Variants in GSK3B observed in about 807,000 individuals in gnomAD.
GSK3B encodes the protein glycogen synthase kinase-3 beta.
In GSK3B, 15 loss-of-function variants were observed where a neutral mutation model predicts 56.4. The ratio of observed to expected loss-of-function variants is 0.27; its 90% CI spans 0.18 to 0.41. The LOEUF (loss-of-function observed/expected upper bound fraction) is 0.41, where lower values mean the gene tolerates loss of function less well. Ranked by LOEUF, GSK3B falls within the 10% of genes least tolerant of loss-of-function variation. The pLI, the probability that GSK3B is intolerant of heterozygous loss-of-function variation, is 1.00. For missense variants in GSK3B, 300 were observed against 513.4 expected (o/e 0.58, Z 4.02); for synonymous variants, 181 against 188.9 (o/e 0.96, Z 0.34).
intron 1 of GSK3B, among the ~76,000 whole-genome samples, chr3:120,025,295 G>C (rs1044401117): frequency 4.6e-5 from 7 of 152,150 alleles, no homozygotes; most frequent in African/African-American, 1.4e-4. Context: ...AATGAGCCTG[G>C]GTGACAGATA....
intron 2 of GSK3B, among the ~76,000 whole-genome samples, chr3:119,952,487 CAAAA>C (rs59526500): frequency 1.0e-5 from 1 of 96,242 alleles, no homozygotes; most frequent in Non-Finnish European, 2.1e-5. Flanking sequence ...GACTCTGTCT[CAAAA>C]AAAAAAAAAA....
At chr3:119,947,967 AG>A (rs2107492586) in intron 2 of GSK3B, among the ~76,000 whole-genome samples, 1 of 152,270 alleles carries the variant, frequency 6.6e-6, no homozygotes, top group African/African-American at 2.4e-5. Flanking sequence ...GAAGTTTCAA[AG>A]TTATGTTCAT....
At chr3:119,835,407 C>T (rs567340296) in intron 10 of GSK3B, among the ~76,000 whole-genome samples, 15 of 152,116 alleles carry the variant, frequency 9.9e-5, no homozygotes, top group Admixed American at 2.0e-4. Context: ...ACAAAAAACC[C>T]CATCTTCGAC....
Position 120,072,022 on chromosome 3 carries a change from G to T in GSK3B, c.88+21325C>A, listed in dbSNP as rs547148105. On this transcript the variant is annotated intron_variant, in intron 1 of 10. Coordinates refer to ENST00000264235, the MANE Select transcript of GSK3B (RefSeq NM_001146156.2). ...AGGGAGAGAAAAGTTCACATATCAGGTTTACTTACTGAATATTAAGTCAAT... is the reference window on the plus strand; with the variant it reads ...AGGGAGAGAAAAGTTCACATATCAGTTTTACTTACTGAATATTAAGTCAAT... Among the ~76,000 whole-genome samples, 5 of 152,238 alleles carry T rather than the reference G, an allele frequency of 3.3e-5. No individual in the cohort carries two copies. In the South Asian group the frequency reaches 6.2e-4, roughly 19 times the overall value.
At position 119,970,157 on chromosome 3, in the gene GSK3B, T is replaced by C. The variant is rs115398053; in HGVS notation, c.283-22806A>G. Among the ~76,000 whole-genome samples the C allele has an allele frequency of 3.5e-3, 537 of 152,324 alleles. 3 individuals are homozygous for C. The highest frequency in any genetic ancestry group is 0.012 in the African/African-American group (507 of 41,564). ...AAACTTTACTATAGGTATGTATGTA[T>C]ACAAAAATGCAGTATATACAGGTTT... On this transcript the variant is annotated intron_variant, in intron 2 of 10. Coordinates refer to ENST00000264235, the MANE Select transcript of GSK3B (RefSeq NM_001146156.2).
At chr3:120,092,887 TTAAGTA>T (rs1352437018) in intron 1 of GSK3B, among the ~76,000 whole-genome samples, 1 of 152,238 alleles carries the variant, frequency 6.6e-6, no homozygotes, top group Admixed American at 6.5e-5. Context: ...AACGTCTCTA[TTAAGTA>T]TATCAAACTA....
At chr3:119,931,132 T>G (rs1328251434) in intron 3 of GSK3B, among the ~76,000 whole-genome samples, 2 of 152,160 alleles carry the variant, frequency 1.3e-5, no homozygotes, top group African/African-American at 4.8e-5. Flanking sequence ...CAAAGTACGG[T>G]TTTGTTTGAA....
chr3:120,032,397 C>A (rs2057984959), intron 1 of GSK3B, among the ~76,000 whole-genome samples: 1 of 152,032 alleles, frequency 6.6e-6, no homozygotes, highest in South Asian at 2.1e-4. Context: ...ATCGCTTGAA[C>A]CCAGGAGGCG....
Position 119,961,456 on chromosome 3 carries a change from C to T in GSK3B, c.283-14105G>A, listed in dbSNP as rs950510887. On this transcript the variant is annotated intron_variant, in intron 2 of 10. Coordinates refer to ENST00000264235, the MANE Select transcript of GSK3B (RefSeq NM_001146156.2). ...CAGCCTGGCCAACATGGTGAAACTCCGTCTCTACTAAAAATACAAAAATTA... is the reference window on the plus strand; with the variant it reads ...CAGCCTGGCCAACATGGTGAAACTCTGTCTCTACTAAAAATACAAAAATTA... 5.4e-4 allele frequency among the ~76,000 whole-genome samples: 82 copies of T among 151,896 alleles called. 1 individual carries two copies. The highest frequency in any genetic ancestry group is 3.9e-3 in the East Asian group (20 of 5,156).
intron 8 of GSK3B, among the ~76,000 whole-genome samples, chr3:119,867,109 C>T (rs2056193514): frequency 6.6e-6 from 1 of 151,960 alleles, no homozygotes; most frequent in Non-Finnish European, 1.5e-5. Context: ...TTAATGTGTT[C>T]CAGTTACACA....
intron 8 of GSK3B, chr3:119,866,763 G>A: frequency 1.6e-6 from 1 of 609,590 alleles, no homozygotes; most frequent in Non-Finnish European, 2.9e-6. Context: ...TGTTTATACA[G>A]TTATAAACTT....
chr3:119,979,935 G>T (rs2057444166), intron 2 of GSK3B, among the ~76,000 whole-genome samples: 1 of 151,978 alleles, frequency 6.6e-6, no homozygotes, highest in Non-Finnish European at 1.5e-5. Flanking sequence ...TCCTAGTCCT[G>T]TTCTTCAAGG....
intron 1 of GSK3B, among the ~76,000 whole-genome samples, chr3:120,046,049 A>C (rs1162850702): frequency 6.6e-6 from 1 of 151,894 alleles, no homozygotes; most frequent in African/African-American, 2.4e-5. Context: ...AGATAGTAAA[A>C]AGTTCAGTGG....
At chr3:119,831,474 G>A (rs1231746747) in intron 10 of GSK3B, among the ~76,000 whole-genome samples, 3 of 152,016 alleles carry the variant, frequency 2.0e-5, no homozygotes, top group Non-Finnish European at 2.9e-5. Flanking sequence ...TGGCTAACAC[G>A]GTGAAACCCT....
At chr3:119,959,132 T>G (rs1402119809) in intron 2 of GSK3B, among the ~76,000 whole-genome samples, 1 of 152,154 alleles carries the variant, frequency 6.6e-6, no homozygotes, top group Non-Finnish European at 1.5e-5. Flanking sequence ...TTGGCCAAAT[T>G]TGCAGTTTTC....
chr3:119,996,809 TGAAAA>T (rs1196323768), intron 2 of GSK3B, among the ~76,000 whole-genome samples: 3 of 151,808 alleles, frequency 2.0e-5, no homozygotes, highest in African/African-American at 7.3e-5. Context: ...GCTGGTTCCT[TGAAAA>T]GAGATGATAA....
chr3:120,034,143 G>A (rs1222256019), intron 1 of GSK3B, among the ~76,000 whole-genome samples: 1 of 152,094 alleles, frequency 6.6e-6, no homozygotes, highest in African/African-American at 2.4e-5. Flanking sequence ...TCCTTTATCA[G>A]ATATAATTTG....
At chr3:119,896,588 T>C (rs958648484) in intron 7 of GSK3B, among the ~76,000 whole-genome samples, 2 of 152,158 alleles carry the variant, frequency 1.3e-5, no homozygotes, top group Non-Finnish European at 2.9e-5. Context: ...AAATATGAAA[T>C]AGCATTCAGT....
chr3:120,067,532 T>C (rs1235442795), intron 1 of GSK3B, among the ~76,000 whole-genome samples: 1 of 152,176 alleles, frequency 6.6e-6, no homozygotes, highest in East Asian at 1.9e-4. Flanking sequence ...GAATTTTGCA[T>C]CAAAATTCAA....
Sources: allele counts gnomAD v4.1 joint callset (sites outside exome capture counted in the v4.1 genomes callset), GRCh38; gene constraint gnomAD v4.1.1; transcripts MANE v1.5; gene names NCBI Gene and HGNC (gene_info 2026-07-23, HGNC 2026-07-21).